HEG1: variants seen among roughly 807,000 people sequenced by gnomAD.
The protein encoded by HEG1 is protein HEG homolog 1.
A neutral mutation model predicts 125.6 loss-of-function variants in HEG1; 56 were observed. The ratio of observed to expected loss-of-function variants is 0.45; its 90% CI spans 0.36 to 0.56. The LOEUF (loss-of-function observed/expected upper bound fraction) is 0.56, where lower values mean the gene tolerates loss of function less well. HEG1 is among the 20% of genes least tolerant of loss of function. The pLI, the probability that HEG1 is intolerant of heterozygous loss-of-function variation, is 0.00. For synonymous variants in HEG1, 644 were observed against 668.5 expected (o/e 0.96, Z 0.57); for missense variants, 1,523 against 1,670.0 (o/e 0.91, Z 1.53).
At chr3:124,992,251 A>T (rs59471264) in intron 12 of HEG1, among the ~76,000 whole-genome samples, 1 of 151,992 alleles carries the variant, frequency 6.6e-6, no homozygotes, top group Non-Finnish European at 1.5e-5. Context: ...GGTGCAGCTC[A>T]TGGAACGCTA....
Position 125,021,014 on chromosome 3 carries a change from G to C in HEG1, c.1030C>G (p.Arg344Gly). ...GGTCCCAGACTGACCGTCAAAGATC[G>C]CAGCGTTCTCGGGCCACCATCAGTG... is the stretch of plus-strand genomic sequence containing the variant. ...VFTDGGPRTLRSLTVSLGPVS... is the reference protein window; with the variant it reads ...VFTDGGPRTLGSLTVSLGPVS... The change falls in exon 4 of 17, where the codon CGA (arginine) becomes GGA (glycine). Residue 344 changes from arginine to glycine, a missense_variant. Coordinates refer to ENST00000311127, the MANE Select transcript of HEG1 (RefSeq NM_020733.2). 6.2e-7 allele frequency: 1 copy of C among 1,613,686 alleles called. No individual in the cohort carries two copies. Among genetic ancestry groups the C allele is most frequent in the South Asian group, 1.1e-5 (1 of 90,988 alleles).
chr3:125,048,516 T>C (rs1322579381), intron 1 of HEG1, among the ~76,000 whole-genome samples: 1 of 152,234 alleles, frequency 6.6e-6, no homozygotes, highest in Non-Finnish European at 1.5e-5. Context: ...GGGGATGCCA[T>C]GTGCCAAGTC....
chr3:124,993,554 G>T (rs1193446620), intron 12 of HEG1, among the ~76,000 whole-genome samples: 1 of 152,300 alleles, frequency 6.6e-6, no homozygotes, highest in African/African-American at 2.4e-5. Context: ...AGTGGGGGAA[G>T]CTACCCTGGA....
chr3:125,012,923 G>T lies in HEG1; in HGVS notation c.2656C>A (p.Pro886Thr). ...GAGATTTGAGGAACTAGTATTTCAG[G>T]ATGGGTCAGCGAGAGCTGTTTTCCA... ...TAGKQLSLTH[P>T]EILVPQISTE... Residue 886 changes from proline to threonine, a missense_variant, in exon 6 of 17, where the codon CCT becomes ACT. Pro to Thr is a conservative substitution (Grantham distance 38). Transcript: ENST00000311127. The T allele has an allele frequency of 1.2e-6, 2 of 1,614,072 alleles. No individual in the cohort carries two copies. Among genetic ancestry groups the T allele is most frequent in the Non-Finnish European group, 1.7e-6 (2 of 1,179,910 alleles).
chr3:125,015,183 C>T (rs1937226960), intron 5 of HEG1, among the ~76,000 whole-genome samples: 1 of 152,196 alleles, frequency 6.6e-6, no homozygotes, highest in Non-Finnish European at 1.5e-5. Context: ...ATTGAAACCT[C>T]AAGAGGAACT....
chr3:124,979,562 A>T (rs1936612357), intron 14 of HEG1, among the ~76,000 whole-genome samples: 1 of 152,242 alleles, frequency 6.6e-6, no homozygotes, highest in African/African-American at 2.4e-5. Context: ...TTTATTAAAT[A>T]TTCCTATTGA....
intron 5 of HEG1, chr3:125,014,965 C>T (rs764147676): frequency 1.9e-4 from 239 of 1,280,412 alleles, no homozygotes; most frequent in Non-Finnish European, 2.3e-4. Flanking sequence ...TCTGCATTGG[C>T]GGAACTGTCA....
chr3:124,983,488 C>G (rs1320721428), intron 14 of HEG1, among the ~76,000 whole-genome samples: 1 of 148,570 alleles, frequency 6.7e-6, no homozygotes, highest in Non-Finnish European at 1.5e-5. Context: ...GTGCATGCCA[C>G]CATGCCTGGC....
Position 125,013,019 on chromosome 3 carries a change from T to A in HEG1, c.2560A>T (p.Met854Leu), listed in dbSNP as rs748456307. 1.9e-6 allele frequency: 3 copies of A among 1,614,034 alleles called. No homozygotes were observed. The highest frequency in any genetic ancestry group is 2.5e-6 in the Non-Finnish European group (3 of 1,179,896). Residue 854 changes from methionine to leucine, a missense_variant, in exon 6 of 17, where the codon ATG becomes TTG. Physicochemically the swap from Met to Leu is conservative, Grantham distance 15. Transcript: ENST00000311127. ...TTILKTSQPL[M>L]TTPGTLSSTA... is the part of the protein sequence containing the mutation. ...CTTGACAGGGTGCCAGGAGTGGTCA[T>A]AAGAGGCTGAGAGGTCTTCAGAATG...
chr3:125,017,204 G>A (rs998164049), intron 5 of HEG1, among the ~76,000 whole-genome samples: 2 of 152,078 alleles, frequency 1.3e-5, no homozygotes, highest in African/African-American at 4.8e-5. Flanking sequence ...ACAGGCACGT[G>A]CCACTATGTC....
At chr3:124,998,255 G>A (rs1057038318) in intron 11 of HEG1, among the ~76,000 whole-genome samples, 1 of 152,218 alleles carries the variant, frequency 6.6e-6, no homozygotes, top group Non-Finnish European at 1.5e-5. Context: ...AAGAACAGGA[G>A]TGCAGGCCAG....
At chr3:125,039,266 T>C (rs1326507909) in intron 1 of HEG1, among the ~76,000 whole-genome samples, 1 of 152,180 alleles carries the variant, frequency 6.6e-6, no homozygotes, top group East Asian at 1.9e-4. Context: ...TCATCAGGGA[T>C]GCTAGCACAG....
Position 125,027,338 on chromosome 3 carries a change from C to A in HEG1, c.780G>T (p.Pro260=), listed in dbSNP as rs2333041. The A allele has an allele frequency of 0.52, 831,454 of 1,613,350 alleles. 215,925 individuals carry two copies. The highest frequency in any genetic ancestry group is 0.6 in the South Asian group (54,241 of 91,026). ...SQEATTSAWS[P]SFLPALEMGE... ...CCATCTCCAAAGCAGGAAGAAAGGA[C>A]GGGCTCCAAGCCGAAGTGGTGGCCT... Residue 260 remains proline (P), a synonymous_variant, in exon 3 of 17, where the codon CCG becomes CCT. Transcript: ENST00000311127.
At chr3:125,015,879 C>T (rs1052873627) in intron 5 of HEG1, among the ~76,000 whole-genome samples, 1 of 152,142 alleles carries the variant, frequency 6.6e-6, no homozygotes, top group African/African-American at 2.4e-5. Flanking sequence ...ACGCCATGGC[C>T]ATGCTTTGAT....
chr3:124,991,054 G>T, intron 12 of HEG1, 68 bp from the exon 13 acceptor site: 1 of 1,219,868 alleles, frequency 8.2e-7, no homozygotes, highest in Non-Finnish European at 1.2e-6. Flanking sequence ...TTAATTAAAC[G>T]CCAGCCACCC....
rs758437798 is a variant in HEG1, at chr3:125,013,259, G to T, written c.2320C>A (p.Gln774Lys). The T allele has an allele frequency of 2.5e-6, 4 of 1,614,018 alleles. No homozygotes were observed. The East Asian group carries it at 8.9e-5, about 36-fold the overall frequency. ...TSFMTMLHSS[Q>K]TADLKSQSTP... ...CTCTGGCTCTTAAGGTCTGCAGTTT[G>T]ACTACTATGGAGCATTGTCATGAAT... The change falls in exon 6 of 17, where the codon CAA (glutamine) becomes AAA (lysine). Residue 774 changes from glutamine to lysine, a missense_variant. Physicochemically the swap from Gln to Lys is moderately conservative, Grantham distance 53. Transcript: ENST00000311127.
chr3:125,029,430 G>T lies in HEG1; in HGVS notation c.375C>A (p.Thr125=). 1.9e-6 allele frequency: 3 copies of T among 1,605,678 alleles called. No homozygotes were observed. The highest frequency in any genetic ancestry group is 2.5e-6 in the Non-Finnish European group (3 of 1,179,806). The change falls in exon 2 of 17, where the codon ACC becomes ACA. Residue 125 remains threonine, a synonymous_variant. Transcript: ENST00000311127. ...AAAAGTCCTCTTGATTCTGATAGAA[G>T]GTGATGTTTTCTACATGGGCCTCAG... ...SNTEAHVENI[T]FYQNQEDFST... is the part of the protein sequence containing the mutation.
At chr3:124,992,077 AAG>A (rs1414323478) in intron 12 of HEG1, among the ~76,000 whole-genome samples, 2 of 152,092 alleles carry the variant, frequency 1.3e-5, no homozygotes, top group African/African-American at 4.8e-5. Flanking sequence ...CTTCCATGAG[AAG>A]GGGGGGAGCT....
chr3:125,002,064 C>T (rs1251939820), intron 10 of HEG1, 52 bp from the exon 11 acceptor site: 1 of 1,602,772 alleles, frequency 6.2e-7, no homozygotes, highest in Admixed American at 1.7e-5. Flanking sequence ...CACGTGGGTC[C>T]CAAGGCTTTT....
Sources: allele counts gnomAD v4.1 joint callset (sites outside exome capture counted in the v4.1 genomes callset), GRCh38; gene constraint gnomAD v4.1.1; transcripts MANE v1.5; gene names NCBI Gene and HGNC (gene_info 2026-07-23, HGNC 2026-07-21).